The following JAZF1 variants were observed in gnomAD, a reference collection of about 807,000 sequenced individuals.
JAZF1 encodes the protein JAZF zinc finger 1.
In JAZF1, 8 loss-of-function variants were observed where a neutral mutation model predicts 26.4. The observed-to-expected ratio is 0.30, with a 90% confidence interval of 0.18 to 0.55. The LOEUF (loss-of-function observed/expected upper bound fraction) is 0.55, where lower values mean the gene tolerates loss of function less well. Among genes scored for constraint, JAZF1 ranks in the 20% least tolerant of loss-of-function variants. The pLI is 0.94. For synonymous variants in JAZF1, 126 were observed against 122.3 expected, an observed-to-expected ratio of 1.03 and a Z score of -0.20; for missense variants, 199 against 322.0, an observed-to-expected ratio of 0.62 and a Z score of 2.92.
In JAZF1 at chr7:27,913,129, C is replaced by T. The variant is rs568572056; in HGVS notation, c.189-17713G>A. Among the ~76,000 whole-genome samples the T allele has an allele frequency of 2.1e-4, 32 of 151,896 alleles. 1 individual carries two copies. The highest frequency in any genetic ancestry group is 1.9e-3 in the Admixed American group (29 of 15,238). On this transcript the variant is annotated intron_variant, in intron 2 of 4. Transcript: ENST00000283928. ...AAAGAGTTAATTCACCTCCTGAGGG[C>T]CTCCAGAATCTGCCTCCTCATTAGG...
At chr7:28,022,748 GTTGTTGTTT>G (rs1171138033) in intron 1 of JAZF1, among the ~76,000 whole-genome samples, 2 of 151,260 alleles carry the variant, frequency 1.3e-5, no homozygotes, top group African/African-American at 2.4e-5. Flanking sequence ...TTTCACTGTT[GTTGTTGTTT>G]TTGTTGTTGT....
intron 4 of JAZF1, among the ~76,000 whole-genome samples, chr7:27,839,253 C>T (rs568711731): frequency 1.1e-4 from 16 of 152,258 alleles, no homozygotes; most frequent in African/African-American, 3.4e-4. Flanking sequence ...AAGACACCCC[C>T]GGCCTGGTGC....
chr7:27,865,752 C>T (rs540980756), intron 3 of JAZF1, among the ~76,000 whole-genome samples: 6 of 152,216 alleles, frequency 3.9e-5, no homozygotes, highest in Non-Finnish European at 7.4e-5. Context: ...ATCCAACTTC[C>T]GTAGCTTCAG....
At chr7:28,161,728 C>G (rs1180168368) in intron 1 of JAZF1, among the ~76,000 whole-genome samples, 1 of 152,138 alleles carries the variant, frequency 6.6e-6, no homozygotes, top group East Asian at 1.9e-4. Context: ...TCCCTGACAG[C>G]CTTTGCTGCT....
In JAZF1 at chr7:27,903,771, C is replaced by G. The variant is rs143924511; in HGVS notation, c.189-8355G>C. 7.2e-4 allele frequency among the ~76,000 whole-genome samples: 110 copies of G among 152,332 alleles called. No individual in the cohort carries two copies. The East Asian group carries it at 0.019, about 26-fold the overall frequency. On this transcript the variant is annotated intron_variant, in intron 2 of 4. Coordinates refer to ENST00000283928, the MANE Select transcript of JAZF1 (RefSeq NM_175061.4). Reference sequence around the variant, plus strand: ...TGACATCCTTCCATCCAGCTAAGGGCTGTTCTCTGCTTGGCAGATTCATCA... The same window carrying G: ...TGACATCCTTCCATCCAGCTAAGGGGTGTTCTCTGCTTGGCAGATTCATCA...
chr7:28,049,897 C>A (rs990586145), intron 1 of JAZF1, among the ~76,000 whole-genome samples: 2 of 152,140 alleles, frequency 1.3e-5, no homozygotes, highest in African/African-American at 4.8e-5. Context: ...GCTCTCAGAG[C>A]CCCATGCTTT....
intron 1 of JAZF1, among the ~76,000 whole-genome samples, chr7:28,075,054 G>C (rs537851619): frequency 8.5e-5 from 13 of 152,124 alleles, no homozygotes; most frequent in Non-Finnish European, 1.8e-4. Context: ...CAGGCAAAAG[G>C]GAAGAGGTTA....
chr7:28,027,173 C>T (rs1562563427), intron 1 of JAZF1, among the ~76,000 whole-genome samples: 1 of 152,194 alleles, frequency 6.6e-6, no homozygotes, highest in African/African-American at 2.4e-5. Flanking sequence ...TGACCCCAGC[C>T]CCATGCCAGT....
At chr7:28,091,920 C>T (rs113404264) in intron 1 of JAZF1, among the ~76,000 whole-genome samples, 1 of 152,036 alleles carries the variant, frequency 6.6e-6, no homozygotes, top group African/African-American at 2.4e-5. Flanking sequence ...GTAAAATCAA[C>T]TTGGCAATAA....
At chr7:28,067,693 A>C (rs1182960175) in intron 1 of JAZF1, among the ~76,000 whole-genome samples, 12 of 152,254 alleles carry the variant, frequency 7.9e-5, no homozygotes, top group Non-Finnish European at 1.6e-4. Context: ...ATTTGAACCA[A>C]GTAGGGCAAT....
intron 2 of JAZF1, among the ~76,000 whole-genome samples, chr7:27,901,889 T>C (rs547947200): frequency 6.6e-6 from 1 of 152,224 alleles, no homozygotes; most frequent in Non-Finnish European, 1.5e-5. Context: ...GCAATAGCAC[T>C]GTGCAGTATT....
At chr7:28,094,449 T>A (rs143772360) in intron 1 of JAZF1, among the ~76,000 whole-genome samples, 1 of 152,208 alleles carries the variant, frequency 6.6e-6, no homozygotes, top group Non-Finnish European at 1.5e-5. Flanking sequence ...CGCTTCTGCC[T>A]ATCCGCTCCG....
At chr7:27,875,937 A>T (rs144104752) in intron 3 of JAZF1, among the ~76,000 whole-genome samples, 2 of 152,352 alleles carry the variant, frequency 1.3e-5, no homozygotes, top group East Asian at 3.9e-4. Context: ...GTCATTCCTA[A>T]GTCCTCAGAG....
intron 2 of JAZF1, among the ~76,000 whole-genome samples, chr7:27,897,554 G>A (rs1015011121): frequency 5.9e-5 from 9 of 152,188 alleles, no homozygotes; most frequent in Admixed American, 3.3e-4. Flanking sequence ...CACTATCTAC[G>A]TAAGAATGAC....
chr7:28,016,704 C>T (rs972915807), intron 1 of JAZF1, among the ~76,000 whole-genome samples: 8 of 152,212 alleles, frequency 5.3e-5, no homozygotes, highest in African/African-American at 1.9e-4. Context: ...GCTCTCCCTC[C>T]ACTCCTCAGT....
At chr7:28,178,047 T>C (rs1160048903) in intron 1 of JAZF1, among the ~76,000 whole-genome samples, 2 of 152,238 alleles carry the variant, frequency 1.3e-5, no homozygotes, top group Admixed American at 1.3e-4. Flanking sequence ...TGGTTCAAAC[T>C]GTTTTCAACT....
At chr7:28,131,996 G>GA (rs950753289) in intron 1 of JAZF1, among the ~76,000 whole-genome samples, 8 of 150,122 alleles carry the variant, frequency 5.3e-5, no homozygotes, top group African/African-American at 1.5e-4. Flanking sequence ...ATATTGATTT[G>GA]AAAAAAAAAT....
At chr7:28,113,771 T>C (rs1314462810) in intron 1 of JAZF1, among the ~76,000 whole-genome samples, 2 of 152,182 alleles carry the variant, frequency 1.3e-5, no homozygotes, top group Admixed American at 1.3e-4. Flanking sequence ...TACTGTACTT[T>C]CTACTACACT....
At chr7:27,979,755 G>A (rs1785544601) in intron 2 of JAZF1, among the ~76,000 whole-genome samples, 1 of 151,968 alleles carries the variant, frequency 6.6e-6, no homozygotes, top group South Asian at 2.1e-4. Context: ...CTGCCTCATT[G>A]GTGAGTCACG....
Sources: allele counts gnomAD v4.1 joint callset (sites outside exome capture counted in the v4.1 genomes callset), GRCh38; gene constraint gnomAD v4.1.1; transcripts MANE v1.5; gene names NCBI Gene and HGNC (gene_info 2026-07-23, HGNC 2026-07-21).